The following PRKAG2 variants were observed in gnomAD, a reference collection of about 807,000 sequenced individuals.
PRKAG2 encodes the protein 5'-AMP-activated protein kinase subunit gamma-2.
In PRKAG2, 26 loss-of-function variants were observed where a neutral mutation model predicts 69.6. That is an observed-to-expected ratio of 0.37 (90% CI 0.27 to 0.52). The LOEUF (loss-of-function observed/expected upper bound fraction) is 0.52. Ranked by LOEUF, PRKAG2 falls within the 20% of genes least tolerant of loss-of-function variation. PRKAG2 has a pLI of 0.90. For missense variants in PRKAG2, 557 were observed against 740.0 expected (o/e 0.75, Z 2.87); for synonymous variants, 293 against 285.0 (o/e 1.03, Z -0.28).
At position 151,795,846 on chromosome 7, in the gene PRKAG2, CATATATATATATATATATATATAT is replaced by C. The variant is rs55657994; in HGVS notation, c.115-9329_115-9306del. 5.4e-3 allele frequency among the ~76,000 whole-genome samples: 306 copies of C among 56,798 alleles called. 3 individuals carry two copies. The highest frequency in any genetic ancestry group is 0.02 in the African/African-American group (287 of 14,702). The allele number at this position is 56,798 out of a possible 152,430, so 37.3% of individuals were successfully genotyped here. A position where few individuals can be genotyped will look rare whatever the true frequency, so the allele number is the denominator to read the frequency against. On this transcript the variant is annotated intron_variant, in intron 1 of 15. Transcript: ENST00000287878. ...TGAGTCAATTCTTTCAAACAAATCT[CATATATATATATATATATATATAT>C]ATATATATATATATATATATCACGA...
chr7:151,618,317 G>A (rs1188144985), intron 5 of PRKAG2, among the ~76,000 whole-genome samples: 1 of 152,130 alleles, frequency 6.6e-6, no homozygotes, highest in Non-Finnish European at 1.5e-5. Flanking sequence ...GCCGGGCATG[G>A]TGGTGGGTGC....
chr7:151,700,617 T>C (rs912547805), intron 3 of PRKAG2, among the ~76,000 whole-genome samples: 1 of 152,166 alleles, frequency 6.6e-6, no homozygotes, highest in South Asian at 2.1e-4. Context: ...TTCCAGGTAA[T>C]GCCAGGCCTG....
intron 1 of PRKAG2, among the ~76,000 whole-genome samples, chr7:151,823,044 A>ACCC (rs200622236): frequency 0.087 from 5,614 of 64,654 alleles, 74 homozygotes; most frequent in African/African-American, 0.11. Flanking sequence ...ACCCCACCCC[A>ACCC]CAGCGGAAAA....
At chr7:151,873,626 T>C (rs1307229595) in intron 1 of PRKAG2, among the ~76,000 whole-genome samples, 1 of 152,210 alleles carries the variant, frequency 6.6e-6, no homozygotes, top group Non-Finnish European at 1.5e-5. Flanking sequence ...AATAACTGAA[T>C]GAATACTACT....
At chr7:151,558,723 C>T (rs907521756) in intron 15 of PRKAG2, 46 of 985,248 alleles carry the variant, frequency 4.7e-5, no homozygotes, top group African/African-American at 3.5e-4. Flanking sequence ...CCCATCTTCA[C>T]GGCACAATTT....
At chr7:151,772,238 G>A (rs778769450) in intron 3 of PRKAG2, among the ~76,000 whole-genome samples, 9 of 152,104 alleles carry the variant, frequency 5.9e-5, no homozygotes, top group Admixed American at 1.3e-4. Flanking sequence ...GGGAGCCAGC[G>A]GTGTGCTTAT....
At chr7:151,726,259 G>A (rs2727548) in intron 3 of PRKAG2, among the ~76,000 whole-genome samples, 92,869 of 151,834 alleles carry the variant, frequency 0.61, 30,167 homozygotes, top group East Asian at 0.89. Context: ...AAGCACCTGC[G>A]TGTGCGCAGA....
At chr7:151,619,976 G>A (rs553170592) in intron 5 of PRKAG2, among the ~76,000 whole-genome samples, 4 of 152,230 alleles carry the variant, frequency 2.6e-5, no homozygotes, top group Non-Finnish European at 2.9e-5. Flanking sequence ...AGCCGAGATC[G>A]CGCCACTGTA....
chr7:151,778,686 T>A (rs1351922066), intron 3 of PRKAG2, among the ~76,000 whole-genome samples: 2 of 152,210 alleles, frequency 1.3e-5, no homozygotes, highest in African/African-American at 4.8e-5. Context: ...GCAACTTCTG[T>A]TCCACATCTC....
rs563138418 is a variant in PRKAG2 at position 151,582,158 on chromosome 7, G to C, written c.865-5706C>G. 2.0e-5 allele frequency among the ~76,000 whole-genome samples: 3 copies of C among 152,242 alleles called. No homozygotes were observed. The South Asian group carries it at 6.2e-4, about 32-fold the overall frequency. On this transcript the variant is annotated intron_variant, in intron 6 of 15. Coordinates refer to ENST00000287878, the MANE Select transcript of PRKAG2 (RefSeq NM_016203.4). ...CCAACAGAGGGATCGATGTATGTAT[G>C]TACGTATGAATGACAGGGTCTCGCT...
chr7:151,664,123 T>C lies in PRKAG2; in HGVS notation c.684+11297A>G, dbSNP rs1830697485. On this transcript the variant is annotated intron_variant, in intron 4 of 15. Coordinates refer to ENST00000287878, the MANE Select transcript of PRKAG2 (RefSeq NM_016203.4). ...CCCTAATCAGGTATATGAGCTAAGA[T>C]GCTGCGTCAACCTTGGATCAGCTGA... 3.3e-5 allele frequency among the ~76,000 whole-genome samples: 5 copies of C among 152,314 alleles called. No individual in the cohort carries two copies. In the South Asian group the frequency reaches 1.0e-3, roughly 32 times the overall value.
At chr7:151,768,480 T>G (rs77273229) in intron 3 of PRKAG2, among the ~76,000 whole-genome samples, 1 of 146,646 alleles carries the variant, frequency 6.8e-6, no homozygotes, top group South Asian at 2.2e-4. Flanking sequence ...TCTTTTTTTT[T>G]CTGGAGATAG....
At chr7:151,776,038 C>T (rs2076329763) in intron 3 of PRKAG2, among the ~76,000 whole-genome samples, 1 of 152,196 alleles carries the variant, frequency 6.6e-6, no homozygotes, top group African/African-American at 2.4e-5. Context: ...AGGGTGACCT[C>T]CCAGTCAAGT....
intron 3 of PRKAG2, among the ~76,000 whole-genome samples, chr7:151,703,731 G>A (rs904517879): frequency 6.6e-6 from 1 of 151,918 alleles, no homozygotes; most frequent in African/African-American, 2.4e-5. Context: ...TTGGCTGGGC[G>A]CGGTGGCTTA....
At position 151,675,459 on chromosome 7, in the gene PRKAG2, A is replaced by G; in HGVS notation, c.645T>C (p.Pro215=). The change falls in exon 4 of 16, where the codon CCT becomes CCC. Residue 215 remains proline (P), a synonymous_variant. Coordinates refer to ENST00000287878, the MANE Select transcript of PRKAG2 (RefSeq NM_016203.4). ...CATAGTGTGTCGGTGATGCCAGTGG[A>G]GGCCTGGTCGGGCTCTGGAAGGAAG... The part of the protein sequence containing the change: ...CPSSFQSPTR[P]PLASPTHYAP... 6.2e-7 allele frequency: 1 copy of G among 1,614,078 alleles called. No individual in the cohort carries two copies. The highest frequency in any genetic ancestry group is 8.5e-7 in the Non-Finnish European group (1 of 1,180,010).
At chr7:151,686,866 T>C (rs1295382956) in intron 3 of PRKAG2, among the ~76,000 whole-genome samples, 2 of 152,210 alleles carry the variant, frequency 1.3e-5, no homozygotes, top group South Asian at 2.1e-4. Context: ...TCAAAATATG[T>C]TGGAAAATAT....
At chr7:151,636,765 C>T (rs1313050552) in intron 4 of PRKAG2, among the ~76,000 whole-genome samples, 3 of 151,756 alleles carry the variant, frequency 2.0e-5, no homozygotes, top group Non-Finnish European at 4.4e-5. Flanking sequence ...AGTGCAGTAG[C>T]GCGATTTCAG....
intron 3 of PRKAG2, among the ~76,000 whole-genome samples, chr7:151,746,200 C>T (rs1046211389): frequency 2.0e-5 from 3 of 152,322 alleles, no homozygotes; most frequent in Non-Finnish European, 2.9e-5. Context: ...CACTTCTAGG[C>T]GATGGGGCAG....
In PRKAG2 at chr7:151,756,185, G is replaced by A. The variant is rs1453943631; in HGVS notation, c.466+24967C>T. 3.9e-5 allele frequency among the ~76,000 whole-genome samples: 6 copies of A among 152,126 alleles called. No homozygotes were observed. The highest frequency in any genetic ancestry group is 6.5e-5 in the Admixed American group (1 of 15,280). On this transcript the variant is annotated intron_variant, in intron 3 of 15. Coordinates refer to ENST00000287878, the MANE Select transcript of PRKAG2 (RefSeq NM_016203.4). The surrounding 1 kb of genome is among the most constrained non-coding windows in gnomAD (Gnocchi z 4.9). ...TCGGTACAGTCCCACAGGCCCCTGT[G>A]GCCTCCCTGAAAGTGAGGAGTAAAA...
Sources: gnomAD v4.1 joint callset for allele counts (sites outside exome capture counted in the v4.1 genomes callset) on GRCh38, gnomAD v4.1.1 for gene constraint, Gnocchi (gnomAD v3.1) non-coding constraint, MANE v1.5 for transcripts, NCBI Gene and HGNC (gene_info 2026-07-23, HGNC 2026-07-21) for gene names.